Variants in ZZEF1 observed in about 807,000 individuals in gnomAD.
ZZEF1 encodes the protein zinc finger ZZ-type and EF-hand domain-containing protein 1.
ZZEF1 carries 157 observed loss-of-function variants against 342.8 expected under a neutral mutation model. That is an observed-to-expected ratio of 0.46 (90% CI 0.40 to 0.52). The LOEUF is 0.52. ZZEF1 is among the 20% of genes least tolerant of loss of function. The probability of loss-of-function intolerance (pLI) is 0.00; values close to 1 mark genes in which losing one functional copy is unlikely to be tolerated. For synonymous variants in ZZEF1, 1,505 were observed against 1,429.1 expected, an observed-to-expected ratio of 1.05 and a Z score of -1.20; for missense variants, 3,480 against 3,725.6, an observed-to-expected ratio of 0.93 and a Z score of 1.72.
chr17:4,047,300 G>T (rs1056365957), intron 37 of ZZEF1, among the ~76,000 whole-genome samples: 1 of 152,176 alleles, frequency 6.6e-6, no homozygotes, highest in Non-Finnish European at 1.5e-5. Flanking sequence ...GAACACAAAA[G>T]CCAGGGAGGA....
chr17:4,029,770 A>G (rs1341144366), intron 42 of ZZEF1, among the ~76,000 whole-genome samples: 3 of 150,710 alleles, frequency 2.0e-5, no homozygotes, highest in Admixed American at 6.6e-5. Flanking sequence ...GCTACTCAGG[A>G]GGCTGAGGCA....
chr17:4,044,174 T>C lies in ZZEF1; in HGVS notation c.6166+50A>G, dbSNP rs150762760. 529 of 1,598,762 alleles carry C rather than the reference T, an allele frequency of 3.3e-4. 5 individuals carry two copies. In the East Asian group the frequency reaches 5.6e-3, roughly 17 times the overall value. On this transcript the variant is annotated intron_variant, in intron 38 of 54. Transcript: ENST00000381638. ...CACAAACAGCTCAGGGATGGGTATA[T>C]GTGCATTTTAAGATGAAAGAGATGA...
chr17:4,034,426 G>T (rs916389421), intron 39 of ZZEF1, 134 bp from the exon 40 acceptor site: 1 of 820,812 alleles, frequency 1.2e-6, no homozygotes. Flanking sequence ...TTTCATAAAT[G>T]CCATATGTAT....
chr17:4,113,664 C>CAAAA, intron 4 of ZZEF1, among the ~76,000 whole-genome samples: 1 of 127,930 alleles, frequency 7.8e-6, no homozygotes. Flanking sequence ...GGCTCCATCT[C>CAAAA]AAAAAAAAAA....
At chr17:4,110,800 C>T (rs912633082) in intron 5 of ZZEF1, among the ~76,000 whole-genome samples, 3 of 151,454 alleles carry the variant, frequency 2.0e-5, no homozygotes, top group African/African-American at 4.8e-5. Flanking sequence ...CTGCAACCTC[C>T]GCCTCCTGGG....
intron 16 of ZZEF1, among the ~76,000 whole-genome samples, chr17:4,083,701 GA>G (rs1400693611): frequency 2.0e-5 from 3 of 147,600 alleles, no homozygotes; most frequent in African/African-American, 7.5e-5. Context: ...GCAGTGGCGT[GA>G]TCTCCGCTCA....
At chr17:4,044,197 T>A in intron 38 of ZZEF1, 27 bp downstream of exon 38, 8 of 1,610,842 alleles carry the variant, frequency 5.0e-6, no homozygotes, top group Admixed American at 1.7e-5. Context: ...ATGAAAGAGA[T>A]GAAGATAATG....
rs1037922483 is a variant in ZZEF1, at chr17:4,116,450, G to A, written c.694+522C>T. Among the ~76,000 whole-genome samples, 9 of 152,216 alleles carry A rather than the reference G, an allele frequency of 5.9e-5. No homozygotes were observed. In the South Asian group the frequency reaches 8.3e-4, roughly 14 times the overall value. ...ACTATGTTCTCACATGTATATCGGC[G>A]TCTATGCCTGGGCTCTGTTATGTTC... On this transcript the variant is annotated intron_variant, in intron 3 of 54. Coordinates refer to ENST00000381638, the MANE Select transcript of ZZEF1 (RefSeq NM_015113.4).
intron 33 of ZZEF1, among the ~76,000 whole-genome samples, chr17:4,055,573 G>C (rs528547418): frequency 6.6e-6 from 1 of 152,290 alleles, no homozygotes; most frequent in African/African-American, 2.4e-5. Context: ...TTCCCACACT[G>C]CTTGTCTACA....
At position 4,064,463 on chromosome 17, in the gene ZZEF1, C is replaced by T. The variant is rs778377680; in HGVS notation, c.4616G>A (p.Arg1539Gln). 5.6e-6 allele frequency: 9 copies of T among 1,613,996 alleles called. No homozygotes were observed. Among genetic ancestry groups the T allele is most frequent in the African/African-American group, 1.3e-5 (1 of 74,898 alleles). Residue 1539 changes from arginine (R) to glutamine (Q), a missense_variant, in exon 29 of 55, where the codon CGA becomes CAA. Arg to Gln is a conservative substitution (Grantham distance 43, BLOSUM62 1). Coordinates refer to ENST00000381638, the MANE Select transcript of ZZEF1 (RefSeq NM_015113.4). ...TRGRLRLLSF[R>Q]SMEEARLVPT... ...CACCAGTCTGGCCTCCTCCATGGAT[C>T]GAAAGGAGAGCAGCCGGAGTCGCCC...
At chr17:4,131,420 C>G (rs1254839754) in intron 1 of ZZEF1, among the ~76,000 whole-genome samples, 1 of 151,408 alleles carries the variant, frequency 6.6e-6, no homozygotes, top group Non-Finnish European at 1.5e-5. Flanking sequence ...TGATAAAAGA[C>G]TGAAAATTAG....
chr17:4,007,868 C>T (rs113289942), intron 54 of ZZEF1, among the ~76,000 whole-genome samples: 31 of 152,190 alleles, frequency 2.0e-4, no homozygotes, highest in African/African-American at 6.3e-4. Context: ...CAGAGCGCCG[C>T]GCTCAGGCAG....
chr17:4,064,308 G>A, intron 29 of ZZEF1, 53 bp downstream of exon 29: 1 of 1,396,550 alleles, frequency 7.2e-7, no homozygotes, highest in Non-Finnish European at 9.8e-7. Flanking sequence ...TGACTAGACT[G>A]GGTACCTACG....
intron 39 of ZZEF1, 144 bp downstream of exon 39, chr17:4,042,285 G>A: frequency 1.3e-6 from 1 of 792,292 alleles, no homozygotes; most frequent in South Asian, 2.1e-5. Context: ...AATATAGGAA[G>A]GGTCAGAAGA....
chr17:4,044,195 G>A lies in ZZEF1; in HGVS notation c.6166+29C>T, dbSNP rs866743433. 1.7e-5 allele frequency: 28 copies of A among 1,610,562 alleles called. No individual in the cohort carries two copies. The Middle Eastern group carries it at 2.8e-3, about 161-fold the overall frequency. ...TATATGTGCATTTTAAGATGAAAGA[G>A]ATGAAGATAATGGTCAAATAGTCTT... On this transcript the variant is annotated intron_variant, in intron 38 of 54. Transcript: ENST00000381638.
At chr17:4,142,410 G>A (rs2058873244) in intron 1 of ZZEF1, 132 bp downstream of exon 1, 1 of 943,674 alleles carries the variant, frequency 1.1e-6, no homozygotes, top group African/African-American at 1.7e-5. Flanking sequence ...CGAAGCAAAC[G>A]CCTGGTGAAA....
intron 33 of ZZEF1, among the ~76,000 whole-genome samples, chr17:4,055,609 C>T (rs186528335): frequency 5.9e-5 from 9 of 152,292 alleles, no homozygotes; most frequent in Admixed American, 1.3e-4. Context: ...GCTCCAAGGA[C>T]ACTAGAGCCC....
intron 2 of ZZEF1, among the ~76,000 whole-genome samples, chr17:4,117,668 A>AAAAAAAAAAAAC (rs2058420139): frequency 6.7e-6 from 1 of 148,574 alleles, no homozygotes; most frequent in Non-Finnish European, 1.5e-5. Flanking sequence ...AAAAAAAAAA[A>AAAAAAAAAAAAC]GAATTAATTT....
At chr17:4,087,374 T>C (rs1321023910) in intron 14 of ZZEF1, 60 bp downstream of exon 14, 2 of 1,381,768 alleles carry the variant, frequency 1.4e-6, no homozygotes, top group South Asian at 1.3e-5. Context: ...CCACTTAGAA[T>C]AGTAAAACTC....
Sources: allele counts gnomAD v4.1 joint callset (sites outside exome capture counted in the v4.1 genomes callset), GRCh38; gene constraint gnomAD v4.1.1; transcripts MANE v1.5; gene names NCBI Gene and HGNC (gene_info 2026-07-23, HGNC 2026-07-21).